Variants in SDC2 observed in about 807,000 individuals in gnomAD.
SDC2 encodes the protein syndecan 2, also known as syndecan-2.
Under a neutral mutation model 22.2 loss-of-function variants are expected in SDC2, and 13 were observed. The observed-to-expected ratio is 0.59, with a 90% CI of 0.38 to 0.93. The LOEUF is 0.93. Among genes scored for constraint, SDC2 ranks in the 40% least tolerant of loss-of-function variants. The probability of loss-of-function intolerance (pLI) is 0.00; values close to 1 mark genes in which losing one functional copy is unlikely to be tolerated. For synonymous variants in SDC2, 94 were observed against 92.8 expected (o/e 1.01, Z -0.07); for missense variants, 235 against 246.8 (o/e 0.95, Z 0.32).
intron 1 of SDC2, among the ~76,000 whole-genome samples, chr8:96,567,156 T>C (rs573223514): frequency 3.2e-4 from 48 of 152,334 alleles, no homozygotes; most frequent in Non-Finnish European, 6.0e-4. Flanking sequence ...GTCTGGCCTA[T>C]ATCTTTATTT....
At chr8:96,567,212 A>G (rs971478782) in intron 1 of SDC2, among the ~76,000 whole-genome samples, 7 of 152,246 alleles carry the variant, frequency 4.6e-5, no homozygotes, top group Non-Finnish European at 1.0e-4. Flanking sequence ...GTTCATGCCA[A>G]TAACAGTTTC....
At chr8:96,545,247 G>A (rs1307644409) in intron 1 of SDC2, among the ~76,000 whole-genome samples, 2 of 152,140 alleles carry the variant, frequency 1.3e-5, no homozygotes, top group Non-Finnish European at 2.9e-5. Flanking sequence ...TAGTTTTCAG[G>A]TTCTCTTTGT....
intron 1 of SDC2, among the ~76,000 whole-genome samples, chr8:96,514,498 A>G (rs1269883364): frequency 1.3e-5 from 2 of 152,170 alleles, no homozygotes. Context: ...TTGATCACCC[A>G]TGACCCATGT....
chr8:96,571,956 A>T (rs917092842), intron 1 of SDC2, among the ~76,000 whole-genome samples: 4 of 152,204 alleles, frequency 2.6e-5, no homozygotes, highest in Non-Finnish European at 5.9e-5. Flanking sequence ...GTCTTGGCTC[A>T]GGACAAGTAA....
chr8:96,575,933 T>G (rs1814480356), intron 1 of SDC2, among the ~76,000 whole-genome samples: 1 of 152,226 alleles, frequency 6.6e-6, no homozygotes, highest in Non-Finnish European at 1.5e-5. Context: ...TTTTCTGCCC[T>G]TATAAAGATG....
chr8:96,552,548 C>A (rs1350225993), intron 1 of SDC2, among the ~76,000 whole-genome samples: 1 of 152,110 alleles, frequency 6.6e-6, no homozygotes, highest in African/African-American at 2.4e-5. Context: ...ATAAGTGCCG[C>A]AAGTAAGGAT....
chr8:96,598,636 C>CA lies in SDC2; in HGVS notation c.173-3750dup, dbSNP rs200090009. Reference sequence around the variant, plus strand: ...CATCTCAAAATAAATAAATAAATAACAAAAAAAAATAAGAGAATGAGCATG... The same window carrying CA: ...CATCTCAAAATAAATAAATAAATAACAAAAAAAAAATAAGAGAATGAGCATG... On this transcript the variant is annotated intron_variant, in intron 2 of 4. Coordinates refer to ENST00000302190, the MANE Select transcript of SDC2 (RefSeq NM_002998.4). Among the ~76,000 whole-genome samples, 272 of 150,558 alleles carry CA rather than the reference C, an allele frequency of 1.8e-3. 2 individuals are homozygous for CA. The highest frequency in any genetic ancestry group is 6.1e-3 in the African/African-American group (252 of 41,076).
chr8:96,545,692 A>C (rs1813920336), intron 1 of SDC2, among the ~76,000 whole-genome samples: 1 of 152,224 alleles, frequency 6.6e-6, no homozygotes, highest in Non-Finnish European at 1.5e-5. Context: ...AAATAGCCAC[A>C]TTCCTGCCTT....
At chr8:96,595,513 T>TG (rs1372746779) in intron 2 of SDC2, among the ~76,000 whole-genome samples, 3 of 152,226 alleles carry the variant, frequency 2.0e-5, no homozygotes, top group African/African-American at 7.2e-5. Flanking sequence ...CCTCTTTTTT[T>TG]TTTTTAGCAC....
chr8:96,584,319 A>C (rs1348810345), intron 1 of SDC2, among the ~76,000 whole-genome samples: 2 of 152,186 alleles, frequency 1.3e-5, no homozygotes, highest in Non-Finnish European at 2.9e-5. Flanking sequence ...TCTGTCCTGT[A>C]AGCTTTCTGT....
At chr8:96,571,738 C>T (rs1271151123) in intron 1 of SDC2, among the ~76,000 whole-genome samples, 1 of 152,154 alleles carries the variant, frequency 6.6e-6, no homozygotes, top group South Asian at 2.1e-4. Context: ...CAGCTGCTCA[C>T]AAACTAAAAC....
intron 1 of SDC2, among the ~76,000 whole-genome samples, chr8:96,566,624 A>C (rs1814303103): frequency 6.6e-6 from 1 of 151,764 alleles, no homozygotes; most frequent in Non-Finnish European, 1.5e-5. Context: ...TGCAGATTGT[A>C]GTTTCTCTGA....
chr8:96,594,538 A>G (rs1199024497), intron 2 of SDC2, among the ~76,000 whole-genome samples: 1 of 152,048 alleles, frequency 6.6e-6, no homozygotes, highest in Non-Finnish European at 1.5e-5. Context: ...GCCAGAACAG[A>G]CTCCACCTCT....
chr8:96,562,126 C>T (rs1586301032), intron 1 of SDC2, among the ~76,000 whole-genome samples: 1 of 152,098 alleles, frequency 6.6e-6, no homozygotes, highest in African/African-American at 2.4e-5. Flanking sequence ...TGTAGTTTGC[C>T]TGTTACATGT....
chr8:96,559,702 A>G (rs1814175802), intron 1 of SDC2, among the ~76,000 whole-genome samples: 1 of 152,042 alleles, frequency 6.6e-6, no homozygotes, highest in African/African-American at 2.4e-5. Flanking sequence ...GAGTGCAAGT[A>G]GGTCTTGTAG....
chr8:96,555,553 A>T (rs1814095451), intron 1 of SDC2, among the ~76,000 whole-genome samples: 1 of 152,224 alleles, frequency 6.6e-6, no homozygotes, highest in African/African-American at 2.4e-5. Flanking sequence ...CAGAGAACAA[A>T]TACCAGTATG....
intron 1 of SDC2, among the ~76,000 whole-genome samples, chr8:96,519,381 G>A (rs144288530): frequency 8.5e-4 from 129 of 152,174 alleles, no homozygotes; most frequent in African/African-American, 2.9e-3. Flanking sequence ...AATGCTCCAC[G>A]TTACAGAAAT....
At chr8:96,588,556 A>G (rs1349091491) in intron 1 of SDC2, among the ~76,000 whole-genome samples, 1 of 152,206 alleles carries the variant, frequency 6.6e-6, no homozygotes, top group Non-Finnish European at 1.5e-5. Context: ...CTTTACCGTA[A>G]AACAGGAGGC....
chr8:96,596,927 C>A (rs1266930846), intron 2 of SDC2, among the ~76,000 whole-genome samples: 5 of 152,118 alleles, frequency 3.3e-5, no homozygotes, highest in African/African-American at 9.7e-5. Context: ...CTCTTGGGAC[C>A]TAGGAATTGG....
Sources: gnomAD v4.1 joint callset for allele counts (sites outside exome capture counted in the v4.1 genomes callset) on GRCh38, gnomAD v4.1.1 for gene constraint, MANE v1.5 for transcripts, NCBI Gene and HGNC (gene_info 2026-07-23, HGNC 2026-07-21) for gene names.